AKT3: variants seen among roughly 807,000 people sequenced by gnomAD.
The protein encoded by AKT3 is RAC-gamma serine/threonine-protein kinase.
A neutral mutation model predicts 65.3 loss-of-function variants in AKT3; 15 were observed. That is an observed-to-expected ratio of 0.23 (90% CI 0.15 to 0.35). The LOEUF (loss-of-function observed/expected upper bound fraction) is 0.35, where lower values mean the gene tolerates loss of function less well. Ranked by LOEUF, AKT3 falls within the 10% of genes least tolerant of loss-of-function variation. The pLI is 1.00. For missense variants in AKT3, 243 were observed against 576.5 expected (o/e 0.42, Z 5.92); for synonymous variants, 206 against 183.8 (o/e 1.12, Z -0.98).
intron 12 of AKT3, among the ~76,000 whole-genome samples, chr1:243,537,556 C>T (rs1203961571): frequency 6.6e-6 from 1 of 152,122 alleles, no homozygotes; most frequent in Non-Finnish European, 1.5e-5. Context: ...TTAGTAAGAG[C>T]TCTGTCACTT....
intron 2 of AKT3, among the ~76,000 whole-genome samples, chr1:243,746,800 A>G (rs1320438033): frequency 6.6e-6 from 1 of 152,190 alleles, no homozygotes; most frequent in Non-Finnish European, 1.5e-5. Context: ...TAGAATGGAA[A>G]TGAATGAGAA....
At chr1:243,494,932 T>C (rs1667411801), downstream of AKT3, among the ~76,000 whole-genome samples, 1 of 152,248 alleles carries the variant, frequency 6.6e-6, no homozygotes, top group Non-Finnish European at 1.5e-5. Context: ...GTTGTCTTTA[T>C]TTTTAACACT....
intron 2 of AKT3, among the ~76,000 whole-genome samples, chr1:243,795,523 G>C (rs1360448674): frequency 2.2e-5 from 3 of 135,896 alleles, no homozygotes. Context: ...CCAGGCTGGA[G>C]TGCAGTGGCG....
intron 12 of AKT3, among the ~76,000 whole-genome samples, chr1:243,519,350 T>G (rs1670568510): frequency 6.6e-6 from 1 of 152,154 alleles, no homozygotes; most frequent in Non-Finnish European, 1.5e-5. Context: ...ACAAGTGGAA[T>G]AAAGATCCTG....
intron 4 of AKT3, among the ~76,000 whole-genome samples, chr1:243,652,771 C>CAA (rs371580711): frequency 0.57 from 17,742 of 31,244 alleles, 5,832 homozygotes; most frequent in Non-Finnish European, 0.67. Context: ...AAATAGAAAG[C>CAA]AAAAAAAAAA....
chr1:243,518,456 C>G (rs1181785817), intron 12 of AKT3, among the ~76,000 whole-genome samples: 3 of 152,122 alleles, frequency 2.0e-5, no homozygotes, highest in African/African-American at 7.2e-5. Context: ...GAAACCCCAT[C>G]TCTACTAAAA....
At chr1:243,518,951 A>G (rs1214621839) in intron 12 of AKT3, among the ~76,000 whole-genome samples, 1 of 152,216 alleles carries the variant, frequency 6.6e-6, no homozygotes, top group Non-Finnish European at 1.5e-5. Flanking sequence ...CAAACATGAA[A>G]TTCATGGTGA....
Position 243,664,010 on chromosome 1 carries a change from T to A in AKT3, c.284+762A>T, listed in dbSNP as rs182464182. 4.6e-5 allele frequency among the ~76,000 whole-genome samples: 7 copies of A among 152,148 alleles called. No homozygotes were observed. In the East Asian group the frequency reaches 1.4e-3, roughly 29 times the overall value. ...AATGCTAATTAATCCTCTCTCCCGC[T>A]CCTTAGACCCAATCTCAGAATCCTT... is the stretch of plus-strand genomic sequence containing the variant. On this transcript the variant is annotated intron_variant, in intron 4 of 13. Coordinates refer to ENST00000673466, the MANE Select transcript of AKT3 (RefSeq NM_005465.7).
chr1:243,548,809 G>T (rs1215367203), intron 11 of AKT3, among the ~76,000 whole-genome samples: 1 of 152,144 alleles, frequency 6.6e-6, no homozygotes, highest in Non-Finnish European at 1.5e-5. Context: ...GAACAGAAAG[G>T]ATGGAGACTA....
intron 2 of AKT3, among the ~76,000 whole-genome samples, chr1:243,734,237 C>T (rs1159420030): frequency 6.6e-6 from 1 of 152,006 alleles, no homozygotes; most frequent in East Asian, 1.9e-4. Context: ...AATGAGTGCA[C>T]AAATCAAAGT....
At chr1:243,849,777 C>T (rs1186131444) in intron 1 of AKT3, among the ~76,000 whole-genome samples, 2 of 151,846 alleles carry the variant, frequency 1.3e-5, no homozygotes, top group Non-Finnish European at 2.9e-5. Context: ...CACCGCCGCC[C>T]CCCAGCTTTC....
intron 2 of AKT3, among the ~76,000 whole-genome samples, chr1:243,773,202 T>A (rs901236921): frequency 2.1e-4 from 30 of 144,442 alleles, no homozygotes; most frequent in South Asian, 4.2e-4. Context: ...CATATATATA[T>A]AAAAAATATA....
intron 2 of AKT3, among the ~76,000 whole-genome samples, chr1:243,713,173 A>C (rs1274323627): frequency 2.6e-5 from 4 of 152,156 alleles, no homozygotes; most frequent in Non-Finnish European, 2.9e-5. Context: ...GATCACACCA[A>C]ATCACCTGAC....
intron 2 of AKT3, among the ~76,000 whole-genome samples, chr1:243,753,894 AGTAAC>A (rs1315117187): frequency 6.6e-6 from 1 of 152,234 alleles, no homozygotes; most frequent in Non-Finnish European, 1.5e-5. Context: ...AAGATGGAGA[AGTAAC>A]AATGAACCCT....
intron 6 of AKT3, among the ~76,000 whole-genome samples, chr1:243,624,327 A>G (rs1678989902): frequency 6.6e-6 from 1 of 152,228 alleles, no homozygotes; most frequent in African/African-American, 2.4e-5. Context: ...AGAAATGCAA[A>G]ATGATGAGAA....
chr1:243,618,530 T>A (rs919659354), intron 6 of AKT3, among the ~76,000 whole-genome samples: 2 of 152,126 alleles, frequency 1.3e-5, no homozygotes, highest in Non-Finnish European at 2.9e-5. Flanking sequence ...TGATGCCTTT[T>A]AAAAAATCCA....
intron 2 of AKT3, among the ~76,000 whole-genome samples, chr1:243,790,241 T>C (rs1450590412): frequency 6.6e-6 from 1 of 152,228 alleles, no homozygotes; most frequent in African/African-American, 2.4e-5. Context: ...GTGTTTTGTC[T>C]ACACTGAAAA....
intron 3 of AKT3, among the ~76,000 whole-genome samples, chr1:243,685,631 C>T (rs145433550): frequency 3.8e-4 from 58 of 152,206 alleles, no homozygotes; most frequent in African/African-American, 1.2e-3. Flanking sequence ...CAGCTTTGTT[C>T]TTTTGGCTTA....
intron 2 of AKT3, among the ~76,000 whole-genome samples, chr1:243,816,352 G>A (rs753176733): frequency 2.6e-5 from 4 of 152,092 alleles, no homozygotes; most frequent in African/African-American, 4.8e-5. Context: ...CAGTAGTGAT[G>A]ATCAAAAGCT....
Sources: allele counts gnomAD v4.1 joint callset (sites outside exome capture counted in the v4.1 genomes callset), GRCh38; gene constraint gnomAD v4.1.1; transcripts MANE v1.5; gene names NCBI Gene and HGNC (gene_info 2026-07-23, HGNC 2026-07-21).